LMNTD1: variants seen among roughly 807,000 people sequenced by gnomAD.
LMNTD1 encodes the protein lamin tail domain containing 1, also known as lamin tail domain-containing protein 1.
Under a neutral mutation model 50.9 loss-of-function variants are expected in LMNTD1, and 35 were observed. The observed-to-expected ratio is 0.69, with a 90% CI of 0.53 to 0.91. LMNTD1 has a LOEUF of 0.91. Among genes scored for constraint, LMNTD1 ranks in the 40% least tolerant of loss-of-function variants. LMNTD1 has a pLI of 0.00. For missense variants in LMNTD1, 470 were observed against 475.5 expected, an observed-to-expected ratio of 0.99 and a Z score of 0.11; for synonymous variants, 153 against 161.9, an observed-to-expected ratio of 0.94 and a Z score of 0.42.
At chr12:25,593,321 AC>A (rs1320329194) in intron 1 of LMNTD1, among the ~76,000 whole-genome samples, 2 of 152,094 alleles carry the variant, frequency 1.3e-5, no homozygotes, top group African/African-American at 4.8e-5. Context: ...CTCCCCTGCC[AC>A]CTCCACCAGA....
At chr12:25,624,608 G>A (rs1474113892) in intron 1 of LMNTD1, among the ~76,000 whole-genome samples, 1 of 82,950 alleles carries the variant, frequency 1.2e-5, no homozygotes, top group Non-Finnish European at 3.4e-5. Context: ...CCTATCATTT[G>A]AGTAGGTAGA....
chr12:25,643,360 G>A (rs1946992196), intron 1 of LMNTD1, among the ~76,000 whole-genome samples: 1 of 152,118 alleles, frequency 6.6e-6, no homozygotes, highest in Non-Finnish European at 1.5e-5. Flanking sequence ...CACCTGGTGG[G>A]TTTGAAAAAT....
intron 1 of LMNTD1, among the ~76,000 whole-genome samples, chr12:25,617,973 TTGTGCAGGAAAGGGGTTGA>T (rs1946383459): frequency 6.6e-6 from 1 of 152,180 alleles, no homozygotes; most frequent in Non-Finnish European, 1.5e-5. Flanking sequence ...GTTGTCCCCA[TTGTGCAGGAAAGGGGTTGA>T]TGTACAAGCT....
At chr12:25,494,391 GT>G (rs1192149798) in intron 9 of LMNTD1, among the ~76,000 whole-genome samples, 1 of 151,996 alleles carries the variant, frequency 6.6e-6, no homozygotes, top group Non-Finnish European at 1.5e-5. Flanking sequence ...AATTCCAAAA[GT>G]TTTACATTTT....
At chr12:25,596,822 G>A (rs1386229081) in intron 1 of LMNTD1, among the ~76,000 whole-genome samples, 1 of 152,000 alleles carries the variant, frequency 6.6e-6, no homozygotes, top group Non-Finnish European at 1.5e-5. Context: ...AAGGACTAAA[G>A]GACGAACCAA....
At chr12:25,490,193 C>G (rs1485765735) in intron 9 of LMNTD1, among the ~76,000 whole-genome samples, 1 of 152,138 alleles carries the variant, frequency 6.6e-6, no homozygotes, top group African/African-American at 2.4e-5. Flanking sequence ...AGCAAGCAAA[C>G]AAACCTACAG....
chr12:25,608,074 T>A (rs896975909), intron 1 of LMNTD1, among the ~76,000 whole-genome samples: 27 of 152,070 alleles, frequency 1.8e-4, no homozygotes, highest in Admixed American at 3.9e-4. Context: ...AATTGATCCC[T>A]TTACCATTAT....
At chr12:25,516,910 T>C (rs904499768) in intron 8 of LMNTD1, among the ~76,000 whole-genome samples, 5 of 151,558 alleles carry the variant, frequency 3.3e-5, no homozygotes, top group Non-Finnish European at 5.9e-5. Flanking sequence ...CATGAACAGA[T>C]ACTTCTCTAA....
intron 8 of LMNTD1, among the ~76,000 whole-genome samples, chr12:25,512,866 G>T (rs1439233371): frequency 1.4e-5 from 2 of 143,606 alleles, no homozygotes; most frequent in East Asian, 3.9e-4. Context: ...TTTTTTTATG[G>T]GGGGGGGCTT....
chr12:25,613,595 AAT>A (rs1946292665), intron 1 of LMNTD1, among the ~76,000 whole-genome samples: 1 of 152,214 alleles, frequency 6.6e-6, no homozygotes, highest in African/African-American at 2.4e-5. Flanking sequence ...CTCATTTGAT[AAT>A]TAACATTGTA....
chr12:25,495,060 G>C (rs1260261511), intron 9 of LMNTD1, among the ~76,000 whole-genome samples: 1 of 152,114 alleles, frequency 6.6e-6, no homozygotes, highest in Non-Finnish European at 1.5e-5. Context: ...CCTCTACTTA[G>C]ACACTGGAGG....
At chr12:25,561,152 C>A (rs1191596668) in intron 1 of LMNTD1, among the ~76,000 whole-genome samples, 1 of 152,110 alleles carries the variant, frequency 6.6e-6, no homozygotes, top group Non-Finnish European at 1.5e-5. Context: ...TTCAGTTCTG[C>A]TCTGATCTTA....
In LMNTD1 at chr12:25,507,255, A is replaced by G. The variant is rs182164682; in HGVS notation, c.1190-3455T>C. ...TATGAATCTCCTAAGAACAACTAACATAACCACAACACAATTAACACACCT... is the reference window on the plus strand; with the variant it reads ...TATGAATCTCCTAAGAACAACTAACGTAACCACAACACAATTAACACACCT... On this transcript the variant is annotated intron_variant, in intron 8 of 9. Coordinates refer to ENST00000458174, the MANE Select transcript of LMNTD1 (RefSeq NM_001145728.2). Among the ~76,000 whole-genome samples the G allele has an allele frequency of 5.9e-5, 9 of 152,358 alleles. No individual in the cohort carries two copies. In the East Asian group the frequency reaches 1.7e-3, roughly 29 times the overall value.
chr12:25,573,244 T>G (rs1944867695), intron 1 of LMNTD1, among the ~76,000 whole-genome samples: 1 of 152,146 alleles, frequency 6.6e-6, no homozygotes, highest in Admixed American at 6.5e-5. Flanking sequence ...CTAAAATCTC[T>G]GATTATACGT....
chr12:25,581,439 A>T (rs1467086360), intron 1 of LMNTD1, among the ~76,000 whole-genome samples: 2 of 152,132 alleles, frequency 1.3e-5, no homozygotes, highest in Non-Finnish European at 2.9e-5. Context: ...GACTCTTTGA[A>T]CCTATTAGGA....
At chr12:25,541,382 A>G (rs1420637672) in intron 4 of LMNTD1, among the ~76,000 whole-genome samples, 2 of 147,878 alleles carry the variant, frequency 1.4e-5, no homozygotes, top group Non-Finnish European at 3.0e-5. Flanking sequence ...GATATAGATC[A>G]ATGGAACAGA....
At chr12:25,596,913 C>CATA (rs1241264159) in intron 1 of LMNTD1, among the ~76,000 whole-genome samples, 1 of 100,432 alleles carries the variant, frequency 1.0e-5, no homozygotes. Flanking sequence ...AAATTGGGGA[C>CATA]ATAGTTAAGG....
chr12:25,483,774 A>T (rs199590605), intron 9 of LMNTD1, among the ~76,000 whole-genome samples: 2 of 2,322 alleles, frequency 8.6e-4, no homozygotes, highest in African/African-American at 9.5e-4. Context: ...TTCCATCTCA[A>T]AAAAAAAAAA....
At position 25,549,524 on chromosome 12, in the gene LMNTD1, A is replaced by G. The variant is rs775735403; in HGVS notation, c.112T>C (p.Tyr38His). 5 of 1,608,774 alleles carry G rather than the reference A, an allele frequency of 3.1e-6. No individual in the cohort carries two copies. The South Asian group carries it at 5.5e-5, about 18-fold the overall frequency. ...TTTGGGGAAAAATGTACTAAAGAAT[A>G]TACTCCAAGTTTGTCTTCTCTTCTG... ...QKQREDKLGVYSLVHFSPKML... is the reference protein window; with the variant it reads ...QKQREDKLGVHSLVHFSPKML... Residue 38 changes from tyrosine (Y) to histidine (H), a missense_variant, in exon 3 of 10, where the codon TAT (tyrosine) becomes CAT (histidine). Coordinates refer to ENST00000458174, the MANE Select transcript of LMNTD1 (RefSeq NM_001145728.2).
Sources: gnomAD v4.1 joint callset for allele counts (sites outside exome capture counted in the v4.1 genomes callset) on GRCh38, gnomAD v4.1.1 for gene constraint, MANE v1.5 for transcripts, NCBI Gene and HGNC (gene_info 2026-07-23, HGNC 2026-07-21) for gene names.